CHD9: variants seen among roughly 807,000 people sequenced by gnomAD.
CHD9 encodes the protein ATP-dependent chromatin remodeler CHD9.
CHD9 carries 77 observed loss-of-function variants against 316.1 expected under a neutral mutation model. The observed-to-expected ratio is 0.24, with a 90% CI of 0.20 to 0.29. CHD9 has a LOEUF of 0.29. Among genes scored for constraint, CHD9 ranks in the 10% least tolerant of loss-of-function variants. The probability of loss-of-function intolerance (pLI) is 1.00; values close to 1 mark genes in which losing one functional copy is unlikely to be tolerated. For synonymous variants in CHD9, 1,129 were observed against 1,158.3 expected, an observed-to-expected ratio of 0.97 and a Z score of 0.51; for missense variants, 2,763 against 3,438.1, an observed-to-expected ratio of 0.80 and a Z score of 4.91.
intron 2 of CHD9, among the ~76,000 whole-genome samples, chr16:53,189,337 C>G (rs1179536600): frequency 6.6e-6 from 1 of 151,796 alleles, no homozygotes; most frequent in Non-Finnish European, 1.5e-5. Flanking sequence ...GCAAAGGTTT[C>G]TTTTTATTCC....
intron 10 of CHD9, among the ~76,000 whole-genome samples, chr16:53,234,596 G>T (rs57723288): frequency 0.034 from 5,104 of 151,738 alleles, 108 homozygotes; most frequent in Middle Eastern, 0.071. Context: ...GTTATTTTTG[G>T]TTTTTTTATG....
chr16:53,247,092 C>T (rs534714869), intron 15 of CHD9, among the ~76,000 whole-genome samples: 30 of 152,334 alleles, frequency 2.0e-4, no homozygotes, highest in Admixed American at 7.2e-4. Context: ...AAGACCTTGT[C>T]TGTGTCCTCA....
At chr16:53,170,411 A>G (rs762877705) in intron 2 of CHD9, among the ~76,000 whole-genome samples, 21 of 152,066 alleles carry the variant, frequency 1.4e-4, no homozygotes, top group Non-Finnish European at 2.5e-4. Flanking sequence ...TGTCAAGCCA[A>G]CTCTGTGCTA....
intron 22 of CHD9, among the ~76,000 whole-genome samples, chr16:53,270,433 CTAAA>C (rs1329309193): frequency 6.6e-6 from 1 of 151,986 alleles, no homozygotes; most frequent in Non-Finnish European, 1.5e-5. Flanking sequence ...GGCTTTATCA[CTAAA>C]TAGATACCTC....
chr16:53,178,120 G>T (rs2043209911), intron 2 of CHD9, among the ~76,000 whole-genome samples: 1 of 152,204 alleles, frequency 6.6e-6, no homozygotes, highest in African/African-American at 2.4e-5. Flanking sequence ...GGGACCTGGA[G>T]CATGTTCCAT....
At chr16:53,126,586 C>CTTTTTTTT (rs200069064) in intron 1 of CHD9, among the ~76,000 whole-genome samples, 2 of 117,656 alleles carry the variant, frequency 1.7e-5, no homozygotes, top group Non-Finnish European at 1.7e-5. Context: ...TTTCAGGATC[C>CTTTTTTTT]TTTTTTTTTT....
intron 24 of CHD9, among the ~76,000 whole-genome samples, chr16:53,276,531 G>A (rs934468461): frequency 6.6e-6 from 1 of 152,088 alleles, no homozygotes; most frequent in East Asian, 1.9e-4. Context: ...AGTCAGATAA[G>A]AGCTACCTTC....
intron 2 of CHD9, among the ~76,000 whole-genome samples, chr16:53,160,758 T>G (rs1555497146): frequency 6.6e-6 from 1 of 152,104 alleles, no homozygotes; most frequent in Non-Finnish European, 1.5e-5. Context: ...AATACAAAAA[T>G]TAGCTGGGCG....
intron 2 of CHD9, among the ~76,000 whole-genome samples, chr16:53,195,203 A>G (rs2044796888): frequency 6.6e-6 from 1 of 152,236 alleles, no homozygotes; most frequent in Non-Finnish European, 1.5e-5. Context: ...GAAGCCTGCT[A>G]TGGCCTAAAA....
At chr16:53,171,839 C>G (rs1380066222) in intron 2 of CHD9, among the ~76,000 whole-genome samples, 2 of 108,872 alleles carry the variant, frequency 1.8e-5, no homozygotes, top group African/African-American at 8.3e-5. Flanking sequence ...ACCACACACA[C>G]ACACACACAC....
Position 53,296,961 on chromosome 16 carries a change from C to T in CHD9, c.5516C>T (p.Thr1839Ile), listed in dbSNP as rs1373725245. The stretch of plus-strand genomic sequence containing the variant: ...TTTAATCTGACTCAAAATAGATGGA[C>T]AAGAAGAGAAGAAGCTGACTTTTAT... ...AAKIERQQRW[T>I]RREEADFYRV... The change falls in exon 30 of 39, where the codon ACA (threonine) becomes ATA (isoleucine). Residue 1839 changes from threonine to isoleucine, a missense_variant. Physicochemically the swap from Thr to Ile is moderately conservative, Grantham distance 89. Around this residue, in one of 15 missense-constraint regions of CHD9, gnomAD observed 183 missense variants for 258.5 expected, o/e 0.71. Transcript: ENST00000447540. The T allele has an allele frequency of 1.2e-6, 2 of 1,611,418 alleles. No individual in the cohort carries two copies. The highest frequency in any genetic ancestry group is 2.2e-5 in the East Asian group (1 of 44,802).
At chr16:53,200,370 CAA>C (rs60076527) in intron 2 of CHD9, among the ~76,000 whole-genome samples, 4,061 of 88,182 alleles carry the variant, frequency 0.046, 55 homozygotes, top group South Asian at 0.087. Context: ...TACTCTGTCT[CAA>C]AAAAAAAAAA....
At chr16:53,234,296 A>G (rs1190774194) in intron 10 of CHD9, among the ~76,000 whole-genome samples, 1 of 152,134 alleles carries the variant, frequency 6.6e-6, no homozygotes, top group Non-Finnish European at 1.5e-5. Flanking sequence ...TATAATATAA[A>G]TAAAGACAGT....
At chr16:53,119,499 A>C (rs766436202) in intron 1 of CHD9, among the ~76,000 whole-genome samples, 1 of 152,186 alleles carries the variant, frequency 6.6e-6, no homozygotes, top group Non-Finnish European at 1.5e-5. Flanking sequence ...GGGATTGCAG[A>C]AAGGTGGTGA....
At chr16:53,064,123 C>T (rs1240706128) in intron 1 of CHD9, among the ~76,000 whole-genome samples, 1 of 152,086 alleles carries the variant, frequency 6.6e-6, no homozygotes, top group Admixed American at 6.6e-5. Flanking sequence ...CATGAGCCAC[C>T]ATATATGGCC....
chr16:53,127,766 C>CA (rs1304112978), intron 1 of CHD9, among the ~76,000 whole-genome samples: 2 of 151,714 alleles, frequency 1.3e-5, no homozygotes, highest in African/African-American at 4.8e-5. Context: ...GCTAAAAATA[C>CA]AAAAATTAGC....
At chr16:53,168,823 A>G (rs2042463017) in intron 2 of CHD9, 1 of 152,234 alleles carries the variant, frequency 6.6e-6, no homozygotes, top group Non-Finnish European at 1.5e-5. Flanking sequence ...TGTAGCCTTG[A>G]ACTCCTGGGT....
intron 24 of CHD9, among the ~76,000 whole-genome samples, chr16:53,275,306 G>A (rs1422403845): frequency 6.6e-6 from 1 of 152,118 alleles, no homozygotes; most frequent in African/African-American, 2.4e-5. Flanking sequence ...GGGATTACAG[G>A]TGTGAGCCAC....
intron 10 of CHD9, among the ~76,000 whole-genome samples, chr16:53,234,363 T>C (rs1278759144): frequency 1.3e-5 from 2 of 152,174 alleles, no homozygotes; most frequent in Non-Finnish European, 2.9e-5. Context: ...TGCAGTACAA[T>C]GTTGAATAGA....
Sources: gnomAD v4.1 joint callset for allele counts (sites outside exome capture counted in the v4.1 genomes callset) on GRCh38, gnomAD v4.1.1 for gene constraint, gnomAD v4.1.1 regional missense constraint, MANE v1.5 for transcripts, NCBI Gene and HGNC (gene_info 2026-07-23, HGNC 2026-07-21) for gene names.